NBEA: variants seen among roughly 807,000 people sequenced by gnomAD.
NBEA encodes lysosomal-trafficking regulator 2.
Under a neutral mutation model 343.4 loss-of-function variants are expected in NBEA, and 44 were observed. The ratio of observed to expected loss-of-function variants is 0.13; its 90% CI spans 0.10 to 0.16. The LOEUF (loss-of-function observed/expected upper bound fraction) is 0.16. Ranked by LOEUF, NBEA falls within the 10% of genes least tolerant of loss-of-function variation. The probability of loss-of-function intolerance (pLI) is 1.00; values close to 1 mark genes in which losing one functional copy is unlikely to be tolerated. For missense variants in NBEA, 2,555 were observed against 3,631.3 expected, an observed-to-expected ratio of 0.70 and a Z score of 7.62; for synonymous variants, 1,175 against 1,238.7, an observed-to-expected ratio of 0.95 and a Z score of 1.08.
intron 17 of NBEA, among the ~76,000 whole-genome samples, chr13:35,129,535 A>T (rs1242543232): frequency 2.0e-5 from 3 of 152,168 alleles, no homozygotes; most frequent in Non-Finnish European, 4.4e-5. Context: ...AAGCTTCACA[A>T]AGAATTGGTG....
intron 10 of NBEA, among the ~76,000 whole-genome samples, chr13:35,097,936 A>G (rs909352813): frequency 2.6e-5 from 4 of 152,120 alleles, no homozygotes; most frequent in African/African-American, 9.6e-5. Flanking sequence ...TCAAAAGAAT[A>G]GTATGATACA....
In NBEA at chr13:34,988,115, TGCAAATATTGCAGAACA is replaced by T. The variant is rs540480168; in HGVS notation, c.294+45013_294+45029del. On this transcript the variant is annotated intron_variant, in intron 1 of 58. Coordinates refer to ENST00000379939, the MANE Select transcript of NBEA (RefSeq NM_001385012.1). ...TTTTCAGCGTTTCTACTCTGGTTTC[TGCAAATATTGCAGAACA>T]GCAAATATTGCTGCCTAATCTTTCC... 2.1e-4 allele frequency among the ~76,000 whole-genome samples: 32 copies of T among 151,118 alleles called. 2 individuals carry two copies. The highest frequency in any genetic ancestry group is 4.0e-4 in the Admixed American group (6 of 15,178).
rs1389579804 is a variant in NBEA, at chr13:35,563,132, G to GAGATAGATAGATAGATAGAGAT, written c.6923-3754_6923-3753insGATAGATAGATAGATAGATAGA. On this transcript the variant is annotated intron_variant, in intron 44 of 58. Coordinates refer to ENST00000379939, the MANE Select transcript of NBEA (RefSeq NM_001385012.1). The stretch of plus-strand genomic sequence containing the variant: ...TAAAGTGTATGTGTGTGTGTGTGTG[G>GAGATAGATAGATAGATAGAGAT]AGATAGATAGATAGATAGATAGATA... Among the ~76,000 whole-genome samples, 1,217 of 123,544 alleles carry GAGATAGATAGATAGATAGAGAT rather than the reference G, an allele frequency of 9.9e-3. 12 individuals carry two copies. The highest frequency in any genetic ancestry group is 0.015 in the Non-Finnish European group (771 of 50,988). The allele number at this position is 123,544 out of a possible 152,430, so 81.0% of individuals were successfully genotyped here. A position where few individuals can be genotyped will look rare whatever the true frequency, so the allele number is the denominator to read the frequency against.
At chr13:35,243,325 A>G (rs1411150675) in intron 34 of NBEA, among the ~76,000 whole-genome samples, 6 of 151,936 alleles carry the variant, frequency 3.9e-5, no homozygotes, top group African/African-American at 9.7e-5. Flanking sequence ...ATTCAACTAC[A>G]CACAAAGGAG....
intron 40 of NBEA, among the ~76,000 whole-genome samples, chr13:35,472,184 TG>T (rs908575773): frequency 3.3e-5 from 5 of 152,248 alleles, no homozygotes; most frequent in Admixed American, 1.3e-4. Flanking sequence ...CCTGACCTCC[TG>T]GGTTTTCATA....
intron 1 of NBEA, among the ~76,000 whole-genome samples, chr13:35,000,297 T>C (rs545325124): frequency 6.6e-6 from 1 of 152,178 alleles, no homozygotes; most frequent in Admixed American, 6.6e-5. Flanking sequence ...TGCTGTTAAA[T>C]TCAAATATAG....
chr13:34,957,779 A>G (rs779514579), intron 1 of NBEA, among the ~76,000 whole-genome samples: 1 of 152,104 alleles, frequency 6.6e-6, no homozygotes, highest in Non-Finnish European at 1.5e-5. Context: ...AAACAACATA[A>G]ATTTATTACC....
At chr13:35,363,590 A>G (rs1461029349) in intron 38 of NBEA, among the ~76,000 whole-genome samples, 1 of 151,860 alleles carries the variant, frequency 6.6e-6, no homozygotes, top group Non-Finnish European at 1.5e-5. Context: ...GGGAATTCTC[A>G]GGTCTCCTGA....
chr13:35,148,535 CA>C (rs1308424086), intron 18 of NBEA, among the ~76,000 whole-genome samples: 3 of 151,976 alleles, frequency 2.0e-5, no homozygotes, highest in South Asian at 2.1e-4. Flanking sequence ...TTCATCATTG[CA>C]AAAACTTGGA....
Position 35,254,744 on chromosome 13 carries a change from T to G in NBEA, c.5776+22125T>G, listed in dbSNP as rs567839061. ...TATATAATAACTTCTGGAATACTAT[T>G]TTTAGTTCAAATTCCGTTATCTAAA... is the stretch of plus-strand genomic sequence containing the variant. On this transcript the variant is annotated intron_variant, in intron 34 of 58. Coordinates refer to ENST00000379939, the MANE Select transcript of NBEA (RefSeq NM_001385012.1). Among the ~76,000 whole-genome samples, 26 of 152,308 alleles carry G rather than the reference T, an allele frequency of 1.7e-4. 1 individual carries two copies. In the South Asian group the frequency reaches 5.0e-3, roughly 29 times the overall value.
Position 35,159,633 on chromosome 13 carries a change from G to A in NBEA, c.3462G>A (p.Gln1154=). ...TTCTCTTTGATAAAATACCCAAACA[G>A]GAGGAAAAACTACTTCCTGAACTTT... The part of the protein sequence containing the change: ...TSFLFDKIPK[Q]EEKLLPELSS... The change falls in exon 22 of 59, where the codon CAG becomes CAA. Residue 1154 remains glutamine (Q), a synonymous_variant. Coordinates refer to ENST00000379939, the MANE Select transcript of NBEA (RefSeq NM_001385012.1). 9 of 1,610,928 alleles carry A rather than the reference G, an allele frequency of 5.6e-6. No homozygotes were observed. The highest frequency in any genetic ancestry group is 7.6e-6 in the Non-Finnish European group (9 of 1,178,652).
chr13:35,544,478 T>C (rs979575679), intron 41 of NBEA, among the ~76,000 whole-genome samples: 6 of 152,330 alleles, frequency 3.9e-5, no homozygotes, highest in African/African-American at 1.4e-4. Context: ...AACATATACA[T>C]GTCCGATACG....
chr13:35,557,095 A>G (rs1314020942), intron 44 of NBEA, among the ~76,000 whole-genome samples: 1 of 152,076 alleles, frequency 6.6e-6, no homozygotes, highest in Non-Finnish European at 1.5e-5. Flanking sequence ...GGGCAGGGTG[A>G]TATACCTCAC....
rs895456168 is a variant in NBEA at position 35,438,388 on chromosome 13, G to C, written c.6304+5995G>C. ...ATTTTCAGCCATCAAGAATAAGAAA[G>C]GCAGTGAGAATAGAAAAATACTAAG... On this transcript the variant is annotated intron_variant, in intron 39 of 58. Coordinates refer to ENST00000379939, the MANE Select transcript of NBEA (RefSeq NM_001385012.1). 1.8e-4 allele frequency among the ~76,000 whole-genome samples: 27 copies of C among 152,290 alleles called. 1 individual carries two copies. Among genetic ancestry groups the C allele is most frequent in the African/African-American group, 6.0e-4 (25 of 41,578 alleles).
intron 41 of NBEA, among the ~76,000 whole-genome samples, chr13:35,542,619 T>A (rs1455407369): frequency 2.0e-5 from 3 of 152,144 alleles, no homozygotes; most frequent in Non-Finnish European, 4.4e-5. Context: ...TCTCTAACTT[T>A]TTTTCACCAA....
chr13:35,190,137 C>T (rs917758884), intron 30 of NBEA, among the ~76,000 whole-genome samples: 10 of 152,094 alleles, frequency 6.6e-5, no homozygotes, highest in Non-Finnish European at 1.5e-4. Flanking sequence ...ACTCCATTCA[C>T]AGGGCTTATT....
intron 35 of NBEA, among the ~76,000 whole-genome samples, chr13:35,304,034 T>C (rs980657153): frequency 6.6e-6 from 1 of 152,186 alleles, no homozygotes; most frequent in Non-Finnish European, 1.5e-5. Flanking sequence ...TTTCTAATGA[T>C]TGTATTTTAA....
Position 35,123,466 on chromosome 13 carries a change from T to C in NBEA, c.2244-16T>C, listed in dbSNP as rs1207560016. On this transcript the variant is annotated splice_polypyrimidine_tract_variant and intron_variant, in intron 16 of 58. Transcript: ENST00000379939. ...ATATTAGTAAGTTTTTAAAAGATAATTTATATATTTTGTAGGGTGATCTAC... is the reference window on the plus strand; with the variant it reads ...ATATTAGTAAGTTTTTAAAAGATAACTTATATATTTTGTAGGGTGATCTAC... 3 of 1,401,336 alleles carry C rather than the reference T, an allele frequency of 2.1e-6. No homozygotes were observed. Among genetic ancestry groups the C allele is most frequent in the African/African-American group, 1.4e-5 (1 of 69,718 alleles). The allele number at this position is 1,401,336 out of a possible 1,614,324, so 86.8% of individuals were successfully genotyped here.
At chr13:35,117,300 G>A (rs1037986134) in intron 13 of NBEA, 114 bp from the exon 14 acceptor site, 5 of 372,756 alleles carry the variant, frequency 1.3e-5, no homozygotes, top group African/African-American at 4.3e-5. Context: ...TATAAATATT[G>A]TAATTTTAAT....
Sources: gnomAD v4.1 joint callset for allele counts (sites outside exome capture counted in the v4.1 genomes callset) on GRCh38, gnomAD v4.1.1 for gene constraint, MANE v1.5 for transcripts, NCBI Gene and HGNC (gene_info 2026-07-23, HGNC 2026-07-21) for gene names.